GFOD1: variants seen among roughly 807,000 people sequenced by gnomAD.
GFOD1 encodes Gfo/Idh/MocA-like oxidoreductase domain containing 1, also known as glucose-fructose oxidoreductase domain-containing protein 1.
Under a neutral mutation model 25.4 loss-of-function variants are expected in GFOD1, and 9 were observed. That is an observed-to-expected ratio of 0.35 (90% CI 0.21 to 0.62). The LOEUF is 0.62. GFOD1 is among the 20% of genes least tolerant of loss of function. GFOD1 has a pLI of 0.72. For missense variants in GFOD1, 403 were observed against 556.9 expected (o/e 0.72, Z 2.78); for synonymous variants, 253 against 245.6 (o/e 1.03, Z -0.28).
At chr6:13,419,429 A>G (rs1299143463) in intron 1 of GFOD1, among the ~76,000 whole-genome samples, 3 of 152,018 alleles carry the variant, frequency 2.0e-5, no homozygotes, top group Non-Finnish European at 4.4e-5. Flanking sequence ...CTCACTCTCC[A>G]CAGAGACCGC....
chr6:13,483,329 G>A (rs935740699), intron 1 of GFOD1, among the ~76,000 whole-genome samples: 3 of 152,074 alleles, frequency 2.0e-5, no homozygotes, highest in East Asian at 1.9e-4. Context: ...GGACATGTGC[G>A]CCAACAGGGC....
chr6:13,389,644 A>G (rs774496131), intron 1 of GFOD1, among the ~76,000 whole-genome samples: 96 of 152,282 alleles, frequency 6.3e-4, no homozygotes, highest in African/African-American at 2.3e-3. Flanking sequence ...GGATAGCATT[A>G]GGAGAAATAC....
At chr6:13,373,543 C>G (rs1431923635) in intron 1 of GFOD1, among the ~76,000 whole-genome samples, 1 of 151,972 alleles carries the variant, frequency 6.6e-6, no homozygotes, top group Non-Finnish European at 1.5e-5. Flanking sequence ...AGAAAAAAGG[C>G]AGGTCAAAGA....
chr6:13,394,732 A>C (rs1332513508), intron 1 of GFOD1, among the ~76,000 whole-genome samples: 1 of 151,890 alleles, frequency 6.6e-6, no homozygotes, highest in Non-Finnish European at 1.5e-5. Context: ...TCCTGGGTTC[A>C]AGTGATTCTC....
chr6:13,380,287 A>G (rs1785337904), intron 1 of GFOD1, among the ~76,000 whole-genome samples: 1 of 152,276 alleles, frequency 6.6e-6, no homozygotes, highest in Admixed American at 6.5e-5. Flanking sequence ...GACTGCTGAC[A>G]GTATGAAATG....
chr6:13,403,765 T>G (rs902764381), intron 1 of GFOD1, among the ~76,000 whole-genome samples: 1 of 152,198 alleles, frequency 6.6e-6, no homozygotes, highest in Non-Finnish European at 1.5e-5. Context: ...GAAAGAAGTC[T>G]CAGAAGAGAC....
intron 1 of GFOD1, among the ~76,000 whole-genome samples, chr6:13,405,377 C>T (rs1193749412): frequency 6.6e-6 from 1 of 152,180 alleles, no homozygotes; most frequent in East Asian, 1.9e-4. Context: ...TTTTCCTTAA[C>T]ACAATATATC....
chr6:13,450,671 C>T (rs1758080894), intron 1 of GFOD1, among the ~76,000 whole-genome samples: 2 of 152,168 alleles, frequency 1.3e-5, no homozygotes, highest in Admixed American at 1.3e-4. Flanking sequence ...ACCCAGGGAC[C>T]TTATCGTGGG....
At chr6:13,437,597 T>C (rs1757853648) in intron 1 of GFOD1, among the ~76,000 whole-genome samples, 1 of 152,248 alleles carries the variant, frequency 6.6e-6, no homozygotes, top group Admixed American at 6.5e-5. Flanking sequence ...ACAGCTATCA[T>C]TGTTTTTAAA....
chr6:13,470,197 T>C, intron 1 of GFOD1: 1 of 1,587,466 alleles, frequency 6.3e-7, no homozygotes, highest in Non-Finnish European at 8.6e-7. Flanking sequence ...TGAACGCATC[T>C]ATCTGTAATC....
intron 1 of GFOD1, among the ~76,000 whole-genome samples, chr6:13,440,846 A>T (rs1253152917): frequency 6.6e-6 from 1 of 152,208 alleles, no homozygotes; most frequent in African/African-American, 2.4e-5. Flanking sequence ...AGCTTTGCCA[A>T]AATTTCCCTG....
intron 1 of GFOD1, among the ~76,000 whole-genome samples, chr6:13,452,892 T>C (rs1758123326): frequency 6.6e-6 from 1 of 152,218 alleles, no homozygotes; most frequent in Non-Finnish European, 1.5e-5. Context: ...TCCTTGGCTG[T>C]AAAATATCTA....
At chr6:13,431,112 T>G (rs1246542940) in intron 1 of GFOD1, among the ~76,000 whole-genome samples, 2 of 152,240 alleles carry the variant, frequency 1.3e-5, no homozygotes, top group African/African-American at 4.8e-5. Flanking sequence ...CTATGTTATA[T>G]TCTGCAAAGA....
intron 1 of GFOD1, among the ~76,000 whole-genome samples, chr6:13,472,445 T>C (rs1289949429): frequency 6.6e-6 from 1 of 152,302 alleles, no homozygotes; most frequent in South Asian, 2.1e-4. Context: ...TTAAGCAAGA[T>C]TCTCATATTT....
chr6:13,476,445 G>A (rs759501187), intron 1 of GFOD1, among the ~76,000 whole-genome samples: 11 of 152,218 alleles, frequency 7.2e-5, no homozygotes, highest in Non-Finnish European at 1.3e-4. Context: ...AGAAGTGGGA[G>A]TGAGGATTGA....
intron 1 of GFOD1, among the ~76,000 whole-genome samples, chr6:13,452,477 T>A (rs1584660522): frequency 1.3e-5 from 2 of 152,030 alleles, no homozygotes; most frequent in South Asian, 4.2e-4. Flanking sequence ...AGTTCTGGAG[T>A]TGGGAAGTCT....
chr6:13,483,481 G>C (rs1758799312), intron 1 of GFOD1, among the ~76,000 whole-genome samples: 1 of 152,160 alleles, frequency 6.6e-6, no homozygotes, highest in South Asian at 2.1e-4. Flanking sequence ...TTCCTGAAAG[G>C]GGAAACGATG....
intron 1 of GFOD1, among the ~76,000 whole-genome samples, chr6:13,463,281 T>A (rs1406778778): frequency 1.3e-5 from 2 of 151,824 alleles, no homozygotes; most frequent in Non-Finnish European, 2.9e-5. Flanking sequence ...GAAAAAGGGG[T>A]CTCACTGCCA....
At chr6:13,484,087 G>A (rs770389305) in intron 1 of GFOD1, among the ~76,000 whole-genome samples, 4 of 152,236 alleles carry the variant, frequency 2.6e-5, no homozygotes, top group South Asian at 4.2e-4. Flanking sequence ...ATTAAAGGAG[G>A]ATGTGTGTGA....
Sources: gnomAD v4.1 joint callset for allele counts (sites outside exome capture counted in the v4.1 genomes callset) on GRCh38, gnomAD v4.1.1 for gene constraint, MANE v1.5 for transcripts, NCBI Gene and HGNC (gene_info 2026-07-23, HGNC 2026-07-21) for gene names.